FAM47E: variants seen among roughly 807,000 people sequenced by gnomAD.
The protein encoded by FAM47E is family with sequence similarity 47 member E.
In FAM47E, 32 loss-of-function variants were observed where a neutral mutation model predicts 41.6. The observed-to-expected ratio is 0.77, with a 90% CI of 0.58 to 1.03. The LOEUF (loss-of-function observed/expected upper bound fraction) is 1.03, where lower values mean the gene tolerates loss of function less well. FAM47E is among the 50% of genes least tolerant of loss of function. The pLI is 0.00. For missense variants in FAM47E, 424 were observed against 485.4 expected (o/e 0.87, Z 1.19); for synonymous variants, 184 against 188.7 (o/e 0.98, Z 0.20).
intron 2 of FAM47E, among the ~76,000 whole-genome samples, chr4:76,228,283 C>A (rs1733433869): frequency 6.6e-6 from 1 of 151,902 alleles, no homozygotes; most frequent in Non-Finnish European, 1.5e-5. Context: ...AGTTAGAGAC[C>A]AGCCTGGCCA....
chr4:76,251,547 G>A (rs1733962534), upstream of FAM47E, among the ~76,000 whole-genome samples: 1 of 152,190 alleles, frequency 6.6e-6, no homozygotes, highest in Non-Finnish European at 1.5e-5. Context: ...ACCAAGGACC[G>A]GTACCCTCTC....
At chr4:76,263,333 G>C (rs1329005590) in intron 2 of FAM47E, among the ~76,000 whole-genome samples, 1 of 152,016 alleles carries the variant, frequency 6.6e-6, no homozygotes, top group Non-Finnish European at 1.5e-5. Context: ...GGCCAATGAA[G>C]TGTTCTCTCA....
intron 1 of FAM47E, among the ~76,000 whole-genome samples, chr4:76,215,144 G>C (rs1733177792): frequency 6.6e-6 from 1 of 152,226 alleles, no homozygotes; most frequent in Non-Finnish European, 1.5e-5. Flanking sequence ...ATAAATATCA[G>C]GGTATGGATT....
intron 3 of FAM47E, chr4:76,268,019 AGTG>A (rs946615204): frequency 1.3e-5 from 2 of 152,356 alleles, no homozygotes; most frequent in African/African-American, 4.8e-5. Flanking sequence ...ACACTTTTGA[AGTG>A]GTAAATTTTA....
At position 76,271,709 on chromosome 4, in the gene FAM47E, C is replaced by T; in HGVS notation, c.811C>T (p.Leu271=). ...AAAGCGTAGTGTGGGGCTCAGTAAA[C>T]TGCAGGAGACAGAGTTCTTCCAGAA... is the stretch of plus-strand genomic sequence containing the variant. ...ELKRSVGLSK[L]QETEFFQKLG... The change falls in exon 5 of 8, where the codon CTG becomes TTG. Residue 271 remains leucine, a synonymous_variant. Coordinates refer to ENST00000424749, the MANE Select transcript of FAM47E (RefSeq NM_001136570.3). 1 of 1,551,776 alleles carries T rather than the reference C, an allele frequency of 6.4e-7. No individual in the cohort carries two copies. Among genetic ancestry groups the T allele is most frequent in the Non-Finnish European group, 8.7e-7 (1 of 1,147,008 alleles).
intron 2 of FAM47E, among the ~76,000 whole-genome samples, chr4:76,237,839 A>G (rs1161349555): frequency 6.6e-6 from 1 of 152,190 alleles, no homozygotes. Flanking sequence ...CTCACTCACT[A>G]TAACAAGAAC....
intron 5 of FAM47E, among the ~76,000 whole-genome samples, chr4:76,275,762 A>C (rs973355448): frequency 1.3e-5 from 2 of 152,172 alleles, no homozygotes; most frequent in African/African-American, 4.8e-5. Flanking sequence ...CATATTCCAG[A>C]ATTCAAGTTC....
At chr4:76,253,958 A>G (rs1409369806) in intron 1 of FAM47E, among the ~76,000 whole-genome samples, 1 of 151,850 alleles carries the variant, frequency 6.6e-6, no homozygotes, top group Non-Finnish European at 1.5e-5. Context: ...CTCTCTACAA[A>G]AGCAATTTAA....
intron 7 of FAM47E, chr4:76,281,259 A>G (rs1266503350): frequency 6.6e-6 from 1 of 152,204 alleles, no homozygotes. Flanking sequence ...ACAGCTAGCA[A>G]ATAAATGTAG....
intron 2 of FAM47E, among the ~76,000 whole-genome samples, chr4:76,244,174 C>G (rs1180595309): frequency 2.0e-5 from 3 of 152,142 alleles, no homozygotes; most frequent in Non-Finnish European, 4.4e-5. Context: ...CAAGTCTTTG[C>G]TATTGTGAAT....
At chr4:76,258,203 A>T (rs888834280) in intron 2 of FAM47E, among the ~76,000 whole-genome samples, 3 of 152,224 alleles carry the variant, frequency 2.0e-5, no homozygotes, top group Non-Finnish European at 2.9e-5. Context: ...GGTGGCCATC[A>T]GAAGATCCAG....
intron 4 of FAM47E, 23 bp from the exon 5 acceptor site, chr4:76,271,545 C>T: frequency 6.4e-7 from 1 of 1,550,940 alleles, no homozygotes; most frequent in Non-Finnish European, 8.7e-7. Context: ...GCCCTCAATT[C>T]ATGCAATGTG....
chr4:76,277,046 G>A (rs918454717), intron 5 of FAM47E, among the ~76,000 whole-genome samples: 3 of 152,178 alleles, frequency 2.0e-5, no homozygotes, highest in African/African-American at 7.2e-5. Context: ...CCCTTTTGTG[G>A]TGAGACAGTG....
At chr4:76,263,883 T>C in intron 3 of FAM47E, 40 bp downstream of exon 3, 1 of 1,539,496 alleles carries the variant, frequency 6.5e-7, no homozygotes, top group Non-Finnish European at 8.8e-7. Flanking sequence ...TGCTGTCACC[T>C]GATGAAACAT....
Position 76,263,704 on chromosome 4 carries a change from C to CA in FAM47E, c.421_422insA (p.Leu141HisfsTer10). 6.4e-7 allele frequency: 1 copy of CA among 1,550,706 alleles called. No individual in the cohort carries two copies. Among genetic ancestry groups the CA allele is most frequent in the South Asian group, 1.2e-5 (1 of 83,936 alleles). ...CTCTAAGACTATTTTCTGTTTGTAG[C>CA]TCTTATCAAAGGTGCTGGAAGTGCT... On this transcript the variant is annotated frameshift_variant and splice_region_variant, in exon 3 of 8. Coordinates refer to ENST00000424749, the MANE Select transcript of FAM47E (RefSeq NM_001136570.3). LOFTEE classifies it high-confidence loss of function.
intron 7 of FAM47E, chr4:76,280,701 C>A (rs145867224): frequency 7.8e-4 from 132 of 168,292 alleles, no homozygotes; most frequent in Non-Finnish European, 2.4e-4. Flanking sequence ...GTTTTCAAGT[C>A]TCCTTTGCGT....
chr4:76,277,681 G>A (rs1474261576), intron 5 of FAM47E, among the ~76,000 whole-genome samples: 1 of 152,146 alleles, frequency 6.6e-6, no homozygotes, highest in African/African-American at 2.4e-5. Flanking sequence ...ATTTTTACGT[G>A]ATTCCTAGCT....
At chr4:76,236,897 C>CTTTTTTTTT (rs770275863) in intron 2 of FAM47E, among the ~76,000 whole-genome samples, 1 of 136,368 alleles carries the variant, frequency 7.3e-6, no homozygotes, top group African/African-American at 2.7e-5. Context: ...TCTTTTCTTT[C>CTTTTTTTTT]TTTTTTTTTT....
Position 76,278,070 on chromosome 4 carries a change from A to G in FAM47E, c.872A>G (p.Asn291Ser), listed in dbSNP as rs186756881. ...TGGGAATTATGTTACTTTCCACAGA[A>G]TCCTTATAAGCCAAAGTGGGTGAAG... ...GYERKLQKPQ[N>S]PYKPKWVKMR... is the part of the protein sequence containing the mutation. Residue 291 changes from asparagine (N) to serine (S), a missense_variant and splice_region_variant, in exon 6 of 8, where the codon AAT (asparagine) becomes AGT (serine). Transcript: ENST00000424749. 1.1e-5 allele frequency: 16 copies of G among 1,493,712 alleles called. No individual in the cohort carries two copies. In the Admixed American group the frequency reaches 2.0e-4, roughly 18 times the overall value. The allele number at this position is 1,493,712 out of a possible 1,614,324, so 92.5% of individuals were successfully genotyped here. A position where few individuals can be genotyped will look rare whatever the true frequency, so the allele number is the denominator to read the frequency against.
Sources: allele counts gnomAD v4.1 joint callset (sites outside exome capture counted in the v4.1 genomes callset), GRCh38; gene constraint gnomAD v4.1.1; transcripts MANE v1.5; gene names NCBI Gene and HGNC (gene_info 2026-07-23, HGNC 2026-07-21).